RHOH: variants seen among roughly 807,000 people sequenced by gnomAD.
RHOH encodes rho-related GTP-binding protein RhoH.
Under a neutral mutation model 13.8 loss-of-function variants are expected in RHOH, and 6 were observed. The ratio of observed to expected loss-of-function variants is 0.44; its 90% CI spans 0.24 to 0.86. The LOEUF (loss-of-function observed/expected upper bound fraction) is 0.86, where lower values mean the gene tolerates loss of function less well. RHOH is among the 40% of genes least tolerant of loss of function. RHOH has a pLI of 0.24. For missense variants in RHOH, 147 were observed against 244.5 expected, an observed-to-expected ratio of 0.60 and a Z score of 2.66; for synonymous variants, 117 against 103.0, an observed-to-expected ratio of 1.14 and a Z score of -0.82.
intron 1 of RHOH, among the ~76,000 whole-genome samples, chr4:40,213,610 C>T (rs1032660870): frequency 5.9e-5 from 9 of 152,068 alleles, no homozygotes; most frequent in Admixed American, 3.9e-4. Flanking sequence ...ACCAAAGAAT[C>T]GCTCTGGTGA....
chr4:40,234,247 C>T (rs1189988579), intron 1 of RHOH, among the ~76,000 whole-genome samples: 2 of 152,196 alleles, frequency 1.3e-5, no homozygotes, highest in Non-Finnish European at 2.9e-5. Context: ...TCCCTGAGCA[C>T]ACCTCTTGGG....
intron 1 of RHOH, among the ~76,000 whole-genome samples, chr4:40,214,289 A>G (rs911770688): frequency 6.6e-6 from 1 of 152,182 alleles, no homozygotes; most frequent in Non-Finnish European, 1.5e-5. Flanking sequence ...GTGGTTAGAG[A>G]AAGGTAGATG....
intron 1 of RHOH, among the ~76,000 whole-genome samples, chr4:40,230,876 A>G (rs1359845832): frequency 6.6e-6 from 1 of 151,100 alleles, no homozygotes; most frequent in Non-Finnish European, 1.5e-5. Context: ...GTGTAGACCT[A>G]GAAAAATTTT....
upstream of RHOH, among the ~76,000 whole-genome samples, chr4:40,195,100 T>C (rs1722986351): frequency 6.6e-6 from 1 of 152,244 alleles, no homozygotes; most frequent in African/African-American, 2.4e-5. Flanking sequence ...ACATTCTCTG[T>C]AATTAACCTC....
intron 1 of RHOH, among the ~76,000 whole-genome samples, chr4:40,225,026 A>G (rs1727051099): frequency 6.6e-6 from 1 of 152,190 alleles, no homozygotes; most frequent in South Asian, 2.1e-4. Flanking sequence ...TCCCTGTCTC[A>G]GCCTCCTGAG....
chr4:40,225,413 A>G (rs557794973), intron 1 of RHOH, among the ~76,000 whole-genome samples: 1 of 152,264 alleles, frequency 6.6e-6, no homozygotes, highest in African/African-American at 2.4e-5. Flanking sequence ...GTTCAATTAA[A>G]AAAAAAAGTA....
At position 40,242,723 on chromosome 4, in the gene RHOH, T is replaced by C. The variant is rs1729397903; in HGVS notation, c.-321T>C. The C allele has an allele frequency of 6.6e-6, 1 of 152,224 alleles. No homozygotes were observed. The highest frequency in any genetic ancestry group is 1.5e-5 in the Non-Finnish European group (1 of 68,056). The allele number at this position is 152,224 out of a possible 1,614,324, so 9.4% of individuals were successfully genotyped here. A position where few individuals can be genotyped will look rare whatever the true frequency, so the allele number is the denominator to read the frequency against. On this transcript the variant is annotated 5_prime_UTR_variant, in exon 2 of 3. The change abolishes an upstream ATG in the 5' untranslated region. Coordinates refer to ENST00000381799, the MANE Select transcript of RHOH (RefSeq NM_004310.5). ...TTCTTGTTTCTTGCAGTTTCCAACA[T>C]GGCTAGATCCATCAGAAACTGAAGC... is the stretch of plus-strand genomic sequence containing the variant.
chr4:40,199,094 A>G (rs76241315), intron 1 of RHOH, among the ~76,000 whole-genome samples: 1,564 of 151,404 alleles, frequency 0.01, 24 homozygotes, highest in African/African-American at 0.037. Flanking sequence ...AACTTCTTCA[A>G]TGCTCAGATT....
chr4:40,238,122 G>C (rs1728801196), intron 1 of RHOH, among the ~76,000 whole-genome samples: 1 of 152,088 alleles, frequency 6.6e-6, no homozygotes, highest in African/African-American at 2.4e-5. Context: ...TTTCATCAGA[G>C]TGGTGGTTTC....
At chr4:40,210,311 C>G (rs1332875965) in intron 1 of RHOH, among the ~76,000 whole-genome samples, 1 of 152,168 alleles carries the variant, frequency 6.6e-6, no homozygotes, top group African/African-American at 2.4e-5. Context: ...AACAGGAATT[C>G]GGAGGTCTGC....
upstream of RHOH, among the ~76,000 whole-genome samples, chr4:40,191,530 G>A (rs961073513): frequency 6.6e-6 from 1 of 152,156 alleles, no homozygotes; most frequent in Admixed American, 6.5e-5. Flanking sequence ...GAAGGGAAAC[G>A]GTCATTTGAC....
At chr4:40,227,114 G>A (rs571236213) in intron 1 of RHOH, among the ~76,000 whole-genome samples, 4 of 152,264 alleles carry the variant, frequency 2.6e-5, no homozygotes, top group Admixed American at 6.5e-5. Context: ...AGCCGATCTC[G>A]CCACTGCACT....
At chr4:40,202,981 T>A (rs1205847527) in intron 1 of RHOH, among the ~76,000 whole-genome samples, 3 of 152,164 alleles carry the variant, frequency 2.0e-5, no homozygotes, top group Non-Finnish European at 4.4e-5. Flanking sequence ...TTTAAATTTT[T>A]TATTTTTTGA....
chr4:40,233,880 C>G (rs980766505), intron 1 of RHOH, among the ~76,000 whole-genome samples: 1 of 151,806 alleles, frequency 6.6e-6, no homozygotes, highest in Admixed American at 6.6e-5. Flanking sequence ...GAGCCGGGAT[C>G]ATGCCACTGC....
intron 1 of RHOH, among the ~76,000 whole-genome samples, chr4:40,237,149 T>TA (rs953482110): frequency 3.3e-5 from 5 of 152,198 alleles, no homozygotes; most frequent in Admixed American, 3.3e-4. Flanking sequence ...TTGCTTCCCT[T>TA]TCCCCACAAG....
rs76160142 is a variant in RHOH, at chr4:40,223,089, T to C, written c.-330-19625T>C. Reference sequence around the variant, plus strand: ...ATGTTAAAATTTAATGTATGAGGAATTGCTTCTTACAGATGAGCCAAGAAA... The same window carrying C: ...ATGTTAAAATTTAATGTATGAGGAACTGCTTCTTACAGATGAGCCAAGAAA... On this transcript the variant is annotated intron_variant, in intron 1 of 2. Coordinates refer to ENST00000381799, the MANE Select transcript of RHOH (RefSeq NM_004310.5). Among the ~76,000 whole-genome samples, 829 of 152,346 alleles carry C rather than the reference T, an allele frequency of 5.4e-3. 22 individuals are homozygous for C. Among genetic ancestry groups the C allele is most frequent in the South Asian group, 0.042 (204 of 4,830 alleles).
chr4:40,217,294 C>G lies in RHOH; in HGVS notation c.-331+19994C>G, dbSNP rs181367779. ...TAAAGTGACTATCCAGTGACACTAGCAAATGTTACCTCTTCCCGGGAAGAA... is the reference window on the plus strand; with the variant it reads ...TAAAGTGACTATCCAGTGACACTAGGAAATGTTACCTCTTCCCGGGAAGAA... On this transcript the variant is annotated intron_variant, in intron 1 of 2. Transcript: ENST00000381799. Among the ~76,000 whole-genome samples, 179 of 152,280 alleles carry G rather than the reference C, an allele frequency of 1.2e-3. 1 individual carries two copies. Among genetic ancestry groups the G allele is most frequent in the Non-Finnish European group, 1.2e-3 (80 of 68,024 alleles).
At chr4:40,207,033 C>A (rs1282431305) in intron 1 of RHOH, among the ~76,000 whole-genome samples, 2 of 151,946 alleles carry the variant, frequency 1.3e-5, no homozygotes, top group Non-Finnish European at 2.9e-5. Context: ...ATGGTGAAAC[C>A]CCGTCTCTTC....
intron 1 of RHOH, among the ~76,000 whole-genome samples, chr4:40,210,152 C>T (rs1725098006): frequency 6.6e-6 from 1 of 150,572 alleles, no homozygotes; most frequent in Non-Finnish European, 1.5e-5. Context: ...CTTGGTTTAA[C>T]AATAATTCAT....
Sources: allele counts gnomAD v4.1 joint callset (sites outside exome capture counted in the v4.1 genomes callset), GRCh38; gene constraint gnomAD v4.1.1; transcripts MANE v1.5; gene names NCBI Gene and HGNC (gene_info 2026-07-23, HGNC 2026-07-21).